Variants in POLR2F observed in about 807,000 individuals in gnomAD.
POLR2F encodes RNA polymerase II, I and III subunit F.
POLR2F carries 12 observed loss-of-function variants against 22.7 expected under a neutral mutation model. That is an observed-to-expected ratio of 0.53 (90% CI 0.34 to 0.86). The LOEUF is 0.86. Among genes scored for constraint, POLR2F ranks in the 40% least tolerant of loss-of-function variants. POLR2F has a pLI of 0.02. For missense variants in POLR2F, 126 were observed against 171.5 expected, an observed-to-expected ratio of 0.73 and a Z score of 1.48; for synonymous variants, 57 against 66.0, an observed-to-expected ratio of 0.86 and a Z score of 0.66.
At chr22:37,977,812 T>C (rs1932267037) in intron 4 of POLR2F, 2 of 1,560,070 alleles carry the variant, frequency 1.3e-6, no homozygotes, top group African/African-American at 2.7e-5. Flanking sequence ...TCCAGCCATC[T>C]CCTGTCTCCA....
intron 4 of POLR2F, 128 bp from the exon 5 acceptor site, chr22:37,967,497 C>T (rs1931902739): frequency 6.1e-6 from 9 of 1,480,864 alleles, no homozygotes; most frequent in Non-Finnish European, 8.0e-6. Context: ...TTACAAAGTA[C>T]ACTCATCAGC....
At chr22:38,015,619 C>T (rs1017325966) in intron 1 of POLR2F, among the ~76,000 whole-genome samples, 2 of 152,112 alleles carry the variant, frequency 1.3e-5, no homozygotes, top group Admixed American at 6.5e-5. Flanking sequence ...GTTGGAATCC[C>T]GGCTCTGTAA....
chr22:38,023,244 C>T (rs1018257676), intron 1 of POLR2F, among the ~76,000 whole-genome samples: 8 of 152,098 alleles, frequency 5.3e-5, no homozygotes, highest in Non-Finnish European at 1.0e-4. Context: ...TATCAGCACA[C>T]GTCACTGTGC....
intron 1 of POLR2F, among the ~76,000 whole-genome samples, chr22:38,022,545 C>G (rs2084969012): frequency 7.6e-6 from 1 of 130,754 alleles, no homozygotes; most frequent in Non-Finnish European, 1.6e-5. Context: ...GAGTGAAACG[C>G]TGTCTCAAAA....
In POLR2F at chr22:37,978,135, C is replaced by G; in HGVS notation, c.293+10965C>G. 6.4e-7 allele frequency: 1 copy of G among 1,559,498 alleles called. No individual in the cohort carries two copies. The highest frequency in any genetic ancestry group is 8.7e-7 in the Non-Finnish European group (1 of 1,152,950). ...GGCGCTTGTCACTTTCGTTCAGCAG[C>G]CTGGGGTGTGGTGGGAGGCGGAGAG... On this transcript the variant is annotated intron_variant, in intron 4 of 4. Transcript: ENST00000405557. This position sits in a 1 kb window ranked among gnomAD's most constrained non-coding sequence, Gnocchi z 5.0.
chr22:37,977,035 G>A (rs1454081839), intron 4 of POLR2F, among the ~76,000 whole-genome samples: 1 of 151,800 alleles, frequency 6.6e-6, no homozygotes, highest in Non-Finnish European at 1.5e-5. Flanking sequence ...AGACGTGGCG[G>A]TGTGCACCTG....
intron 1 of POLR2F, among the ~76,000 whole-genome samples, chr22:38,008,642 C>T (rs1240072416): frequency 2.6e-5 from 4 of 151,556 alleles, no homozygotes; most frequent in African/African-American, 7.3e-5. Context: ...GAGGCCGAGG[C>T]GGGTGGGTCA....
At chr22:38,036,820 C>T (rs1269963811) in intron 5 of POLR2F, among the ~76,000 whole-genome samples, 1 of 152,066 alleles carries the variant, frequency 6.6e-6, no homozygotes, top group Non-Finnish European at 1.5e-5. Context: ...TTTTCCCACA[C>T]ACTGGCCTCC....
chr22:37,966,487 A>G (rs913117685), intron 3 of POLR2F, among the ~76,000 whole-genome samples: 3 of 152,038 alleles, frequency 2.0e-5, no homozygotes, highest in Non-Finnish European at 4.4e-5. Context: ...GAGAATGGAA[A>G]TGATGCCGGG....
intron 4 of POLR2F, among the ~76,000 whole-genome samples, chr22:37,977,344 A>G (rs1422954749): frequency 6.7e-6 from 1 of 148,650 alleles, no homozygotes; most frequent in African/African-American, 2.5e-5. Flanking sequence ...TCTTTGAGAC[A>G]GAGTCTCGCT....
rs118008263 is a variant in POLR2F, at chr22:38,017,264, G to T, written c.121-8605G>T. 6.6e-6 allele frequency among the ~76,000 whole-genome samples: 1 copy of T among 152,302 alleles called. No homozygotes were observed. The highest frequency in any genetic ancestry group is 1.9e-4 in the East Asian group (1 of 5,182). On this transcript the variant is annotated intron_variant, in intron 1 of 2. Coordinates refer to the POLR2F transcript ENST00000333418. The surrounding 1 kb of genome is among the most constrained non-coding windows in gnomAD (Gnocchi z 4.1). The stretch of plus-strand genomic sequence containing the variant: ...GATGACGTGCCCTTCCTAGTCCTGG[G>T]TCTGTGCGTCTGAGCCTCGGGTGGA...
chr22:38,025,554 C>A, intron 1 of POLR2F: 1 of 1,475,798 alleles, frequency 6.8e-7, no homozygotes. Context: ...TGTCCACGCC[C>A]TTCTCCCATC....
downstream of POLR2F, among the ~76,000 whole-genome samples, chr22:38,031,462 C>T (rs1196605800): frequency 6.6e-6 from 1 of 152,148 alleles, no homozygotes; most frequent in Admixed American, 6.5e-5. The surrounding 1 kb of genome is among the most constrained non-coding windows in gnomAD (Gnocchi z 4.1). Flanking sequence ...TCTGTCTCCT[C>T]CATGGAACAG....
downstream of POLR2F, among the ~76,000 whole-genome samples, chr22:38,028,223 T>C (rs2085032322): frequency 2.0e-5 from 3 of 151,982 alleles, no homozygotes; most frequent in Non-Finnish European, 4.4e-5. Flanking sequence ...ATGAGAACAG[T>C]GGGGACCTGG....
chr22:38,041,014 C>A, intron 5 of POLR2F: 1 of 1,612,212 alleles, frequency 6.2e-7, no homozygotes, highest in African/African-American at 1.3e-5. Flanking sequence ...TTCATGTCAT[C>A]CTCAACACAG....
At chr22:37,962,671 C>T (rs1931692769) in intron 3 of POLR2F, among the ~76,000 whole-genome samples, 1 of 152,180 alleles carries the variant, frequency 6.6e-6, no homozygotes, top group Non-Finnish European at 1.5e-5. Flanking sequence ...TAGCCAGCCA[C>T]ACTTCTTTTT....
At chr22:37,988,454 C>T (rs1322059978) in intron 1 of POLR2F, 1 of 151,662 alleles carries the variant, frequency 6.6e-6, no homozygotes, top group African/African-American at 2.4e-5. Flanking sequence ...AGTTCGAGAC[C>T]AGCCTGGCCA....
chr22:38,041,282 C>A, downstream of POLR2F: 1 of 889,672 alleles, frequency 1.1e-6, no homozygotes, highest in Non-Finnish European at 1.7e-6. Flanking sequence ...TCCAGGACAC[C>A]CCTCAGTTTC....
rs1415853016 is a variant in POLR2F, at chr22:38,017,317, C to A, written c.121-8552C>A. On this transcript the variant is annotated intron_variant, in intron 1 of 2. Transcript: ENST00000333418. This position sits in a 1 kb window ranked among gnomAD's most constrained non-coding sequence, Gnocchi z 4.1. ...AGGGGGCTCACACTAGGACAGAAAA[C>A]CCTGAACTGCCCCCAGAGTGATCAT... 1.3e-5 allele frequency among the ~76,000 whole-genome samples: 2 copies of A among 152,108 alleles called. No homozygotes were observed. The highest frequency in any genetic ancestry group is 2.9e-5 in the Non-Finnish European group (2 of 68,020).
Sources: allele counts gnomAD v4.1 joint callset (sites outside exome capture counted in the v4.1 genomes callset), GRCh38; gene constraint gnomAD v4.1.1; non-coding constraint Gnocchi (gnomAD v3.1); transcripts MANE v1.5; gene names NCBI Gene and HGNC (gene_info 2026-07-23, HGNC 2026-07-21).